FRMPD4: variants seen among roughly 807,000 people sequenced by gnomAD.
The protein encoded by FRMPD4 is FERM and PDZ domain-containing protein 4.
Under a neutral mutation model 94.1 loss-of-function variants are expected in FRMPD4, and 22 were observed. That is an observed-to-expected ratio of 0.23 (90% CI 0.17 to 0.33). The LOEUF is 0.33. Ranked by LOEUF, FRMPD4 falls within the 10% of genes least tolerant of loss-of-function variation. The pLI, the probability that FRMPD4 is intolerant of heterozygous loss-of-function variation, is 1.00. For synonymous variants in FRMPD4, 631 were observed against 548.6 expected (o/e 1.15, Z -2.10); for missense variants, 1,111 against 1,339.9 (o/e 0.83, Z 2.67).
intron 1 of FRMPD4, among the ~76,000 whole-genome samples, chrX:12,410,391 G>C (rs1430103480): frequency 8.9e-6 from 1 of 111,736 alleles, no homozygotes; most frequent in East Asian, 2.8e-4. Context: ...AGATCCGTCT[G>C]TGTTGCTCTG....
At chrX:11,847,905 T>G (rs1489275951) in intron 1 of FRMPD4, among the ~76,000 whole-genome samples, 95 of 55,184 alleles carry the variant, frequency 1.7e-3, no homozygotes, top group African/African-American at 2.4e-3. Context: ...GGGGGGAGGG[T>G]TAGCGTTAGG....
At chrX:12,382,396 A>G (rs2056329242) in intron 1 of FRMPD4, among the ~76,000 whole-genome samples, 1 of 111,023 alleles carries the variant, frequency 9.0e-6, no homozygotes, top group South Asian at 3.8e-4. Flanking sequence ...GTGAGTGCCC[A>G]CTGTGGATTG....
intron 1 of FRMPD4, among the ~76,000 whole-genome samples, chrX:12,352,820 A>G (rs1378540488): frequency 8.9e-6 from 1 of 112,260 alleles, no homozygotes; most frequent in African/African-American, 3.2e-5. Context: ...TTACCATGTT[A>G]CTTGGATCTT....
intron 2 of FRMPD4, among the ~76,000 whole-genome samples, chrX:12,525,542 T>C (rs12392605): frequency 0.03 from 3,400 of 112,022 alleles, 130 homozygotes; most frequent in African/African-American, 0.1. Flanking sequence ...CCCCAAAATA[T>C]ATTTCTTTGA....
At position 12,332,111 on chromosome X, in the gene FRMPD4, A is replaced by ATATAATTTATAT. The variant is rs1196321167; in HGVS notation, c.42-166567_42-166556dup. ...TTATATTATATATAATTTATATTAT[A>ATATAATTTATAT]TATAATTTATATTTTATATATTATA... On this transcript the variant is annotated intron_variant, in intron 1 of 16. Transcript: ENST00000675598. 1.9e-3 allele frequency among the ~76,000 whole-genome samples: 118 copies of ATATAATTTATAT among 60,584 alleles called. 24 individuals are homozygous for ATATAATTTATAT. Among genetic ancestry groups the ATATAATTTATAT allele is most frequent in the African/African-American group, 8.5e-3 (111 of 13,017 alleles). 52.6% of individuals were successfully genotyped at this position (60,584 alleles called of 115,157 possible). A position where few individuals can be genotyped will look rare whatever the true frequency, so the allele number is the denominator to read the frequency against.
At chrX:12,603,715 G>A (rs1433880302) in intron 2 of FRMPD4, among the ~76,000 whole-genome samples, 1 of 110,567 alleles carries the variant, frequency 9.0e-6, no homozygotes, top group Non-Finnish European at 1.9e-5. Flanking sequence ...TATACTTCTA[G>A]TCTCAGCATC....
At chrX:12,226,886 T>C (rs2056928575) in intron 1 of FRMPD4, among the ~76,000 whole-genome samples, 1 of 109,937 alleles carries the variant, frequency 9.1e-6, no homozygotes, top group Non-Finnish European at 1.9e-5. Flanking sequence ...AGGCACTATA[T>C]TTTAGAATTT....
chrX:12,493,751 T>G (rs766103005), intron 1 of FRMPD4, among the ~76,000 whole-genome samples: 2 of 112,096 alleles, frequency 1.8e-5, no homozygotes, highest in South Asian at 7.5e-4. Flanking sequence ...TGTTGCGTGC[T>G]GAGGCAGGCC....
At chrX:12,620,912 A>C (rs1193810918) in intron 4 of FRMPD4, among the ~76,000 whole-genome samples, 1 of 112,391 alleles carries the variant, frequency 8.9e-6, no homozygotes, top group African/African-American at 3.2e-5. Flanking sequence ...CCAGTCTATA[A>C]AGACCAGCCT....
At chrX:12,459,512 TCTG>T (rs2057371313) in intron 1 of FRMPD4, among the ~76,000 whole-genome samples, 1 of 111,627 alleles carries the variant, frequency 9.0e-6, no homozygotes, top group South Asian at 3.7e-4. Context: ...TAACTGGCTT[TCTG>T]CTATTATAGT....
intron 2 of FRMPD4, among the ~76,000 whole-genome samples, chrX:12,553,230 A>T (rs1226447582): frequency 9.1e-6 from 1 of 109,505 alleles, no homozygotes; most frequent in Non-Finnish European, 1.9e-5. Flanking sequence ...CAAAAGAAAC[A>T]AAAGTATACA....
Position 12,718,270 on chromosome X carries a change from C to G in FRMPD4, c.3444C>G (p.Asp1148Glu), listed in dbSNP as rs2042142085. ...ATGGCTCAGGACTTGGTCAAGGGGA[C>G]CGCTTCTTAACTGACGTGACCTGTG... is the stretch of plus-strand genomic sequence containing the variant. ...TSDGSGLGQGDRFLTDVTCAS... is the reference protein window; with the variant it reads ...TSDGSGLGQGERFLTDVTCAS... The change falls in exon 16 of 17, where the codon GAC (aspartate) becomes GAG (glutamate). Residue 1148 changes from aspartate (D) to glutamate (E), a missense_variant. This residue lies in a region of FRMPD4 where 551 missense variants were observed against 591.6 expected (regional missense o/e 0.93). Transcript: ENST00000675598. 1 of 1,209,901 alleles carries G rather than the reference C, an allele frequency of 8.3e-7. No individual in the cohort carries two copies. The highest frequency in any genetic ancestry group is 1.7e-5 in the African/African-American group (1 of 57,168).
chrX:11,929,646 G>A (rs756905061), intron 3 of FRMPD4, among the ~76,000 whole-genome samples: 5 of 112,073 alleles, frequency 4.5e-5, no homozygotes, highest in Admixed American at 9.4e-5. Context: ...GCCATGCCCC[G>A]GACACTCTCC....
In FRMPD4 at chrX:12,665,472, G is replaced by A. The variant is rs569603774; in HGVS notation, c.423-9391G>A. ...AAAAAAAAAAATGTGAACCAAGATC[G>A]TGCCACTGCACTCCAGCCTGGGCAA... On this transcript the variant is annotated intron_variant, in intron 4 of 16. Transcript: ENST00000675598. Among the ~76,000 whole-genome samples, 37 of 110,749 alleles carry A rather than the reference G, an allele frequency of 3.3e-4. No individual in the cohort carries two copies. In the South Asian group the frequency reaches 5.8e-3, roughly 17 times the overall value.
intron 4 of FRMPD4, among the ~76,000 whole-genome samples, chrX:12,643,285 C>G (rs1441390190): frequency 9.1e-6 from 1 of 110,328 alleles, no homozygotes; most frequent in Non-Finnish European, 1.9e-5. Flanking sequence ...TCATACCTGG[C>G]TAATTTTTTT....
At chrX:12,700,291 A>G (rs2060175872) in intron 9 of FRMPD4, among the ~76,000 whole-genome samples, 1 of 112,167 alleles carries the variant, frequency 8.9e-6, no homozygotes, top group Non-Finnish European at 1.9e-5. Flanking sequence ...TTCTTGGGGC[A>G]AGCCAAAGAA....
chrX:12,667,911 G>C (rs2059796444), intron 4 of FRMPD4, among the ~76,000 whole-genome samples: 1 of 112,128 alleles, frequency 8.9e-6, no homozygotes, highest in Non-Finnish European at 1.9e-5. Flanking sequence ...GGATGAAAAT[G>C]ATGTTTTTAA....
intron 2 of FRMPD4, among the ~76,000 whole-genome samples, chrX:12,508,233 C>G (rs2058005549): frequency 9.0e-6 from 1 of 111,029 alleles, no homozygotes; most frequent in Non-Finnish European, 1.9e-5. Context: ...CTTTCTCTCA[C>G]CATTCTCCTT....
chrX:12,103,988 G>C (rs1406927795), intron 3 of FRMPD4, among the ~76,000 whole-genome samples: 2 of 111,941 alleles, frequency 1.8e-5, no homozygotes, highest in African/African-American at 6.5e-5. Context: ...CTGGAACTGG[G>C]AAGTCCAAGA....
Sources: gnomAD v4.1 joint callset for allele counts (sites outside exome capture counted in the v4.1 genomes callset) on GRCh38, gnomAD v4.1.1 for gene constraint, gnomAD v4.1.1 regional missense constraint, MANE v1.5 for transcripts, NCBI Gene and HGNC (gene_info 2026-07-23, HGNC 2026-07-21) for gene names.